APP: variants seen among roughly 807,000 people sequenced by gnomAD.
APP encodes the protein amyloid beta precursor protein, also known as amyloid-beta precursor protein.
A neutral mutation model predicts 101.4 loss-of-function variants in APP; 31 were observed. The observed-to-expected ratio is 0.31, with a 90% CI of 0.23 to 0.41. APP has a LOEUF of 0.41. Among genes scored for constraint, APP ranks in the 10% least tolerant of loss-of-function variants. The probability of loss-of-function intolerance (pLI) is 1.00; values close to 1 mark genes in which losing one functional copy is unlikely to be tolerated. For missense variants in APP, 839 were observed against 1,003.7 expected (o/e 0.84, Z 2.22); for synonymous variants, 366 against 364.4 (o/e 1.00, Z -0.05).
At chr21:25,889,900 C>A (rs773165888) in intron 17 of APP, among the ~76,000 whole-genome samples, 10 of 151,846 alleles carry the variant, frequency 6.6e-5, no homozygotes, top group African/African-American at 1.2e-4. Context: ...ATGAAAAAAA[C>A]CAAAACAACA....
chr21:26,033,466 TATCTTTA>T (rs1282061021), intron 5 of APP, among the ~76,000 whole-genome samples: 1 of 152,242 alleles, frequency 6.6e-6, no homozygotes, highest in Non-Finnish European at 1.5e-5. Flanking sequence ...GTCTTGGTTA[TATCTTTA>T]TAGCAGTGTG....
intron 17 of APP, among the ~76,000 whole-genome samples, chr21:25,891,150 T>C (rs1017753535): frequency 6.6e-6 from 1 of 152,292 alleles, no homozygotes; most frequent in African/African-American, 2.4e-5. Context: ...TGCAGGGTAA[T>C]AGGTTGCAGA....
chr21:26,095,822 C>T (rs2061928921), intron 2 of APP, among the ~76,000 whole-genome samples: 1 of 152,208 alleles, frequency 6.6e-6, no homozygotes, highest in South Asian at 2.1e-4. Context: ...ACAAGCATTG[C>T]AAATAATTTG....
At chr21:26,168,688 G>T (rs2063670509) in intron 1 of APP, among the ~76,000 whole-genome samples, 1 of 152,104 alleles carries the variant, frequency 6.6e-6, no homozygotes, top group African/African-American at 2.4e-5. Context: ...AAGACCATTC[G>T]GGAAAACTGG....
At chr21:26,100,139 C>A (rs1220075436) in intron 2 of APP, among the ~76,000 whole-genome samples, 1 of 152,202 alleles carries the variant, frequency 6.6e-6, no homozygotes, top group Non-Finnish European at 1.5e-5. Context: ...GATGTGTACA[C>A]ATAGCCTAGA....
intron 6 of APP, among the ~76,000 whole-genome samples, chr21:26,014,579 G>C (rs943637877): frequency 4.6e-5 from 7 of 152,174 alleles, no homozygotes; most frequent in Non-Finnish European, 8.8e-5. Flanking sequence ...TTCCTAGGCA[G>C]GCCTGAGAGA....
intron 17 of APP, among the ~76,000 whole-genome samples, chr21:25,887,770 G>C (rs116725814): frequency 6.6e-6 from 1 of 152,204 alleles, no homozygotes; most frequent in East Asian, 1.9e-4. Context: ...CACAGGTGTG[G>C]AGCCTAGGAG....
intron 7 of APP, among the ~76,000 whole-genome samples, chr21:25,999,289 C>T (rs1353586129): frequency 1.3e-5 from 2 of 152,060 alleles, no homozygotes; most frequent in African/African-American, 4.8e-5. Flanking sequence ...GAGACCCTGT[C>T]TTTAAAAAAA....
At chr21:25,915,441 C>CAA (rs1195676194) in intron 13 of APP, among the ~76,000 whole-genome samples, 2 of 152,210 alleles carry the variant, frequency 1.3e-5, no homozygotes, top group Non-Finnish European at 2.9e-5. Context: ...TGCTGAAATC[C>CAA]AAGTCCTGGG....
rs141650054 is a variant in APP at position 25,882,394 on chromosome 21, G to A, written c.2212-623C>T. ...ACAAGAAAAAAGGAAGAGCAAGGAC[G>A]ACGCCATTCTAGATGATGTAATTTT... On this transcript the variant is annotated intron_variant, in intron 17 of 17. Coordinates refer to ENST00000346798, the MANE Select transcript of APP (RefSeq NM_000484.4). Among the ~76,000 whole-genome samples the A allele has an allele frequency of 2.5e-4, 37 of 148,206 alleles. No homozygotes were observed. The Middle Eastern group carries it at 0.01, about 41-fold the overall frequency.
chr21:26,011,643 G>A (rs1478369876), intron 6 of APP, among the ~76,000 whole-genome samples: 8 of 152,064 alleles, frequency 5.3e-5, no homozygotes, highest in Admixed American at 5.2e-4. Context: ...GCAAACACCA[G>A]AAGGATTCGT....
rs1476363021 is a variant in APP at position 25,955,678 on chromosome 21, G to T, written c.1536C>A (p.Phe512Leu). The T allele has an allele frequency of 1.2e-6, 2 of 1,614,138 alleles. No individual in the cohort carries two copies. Among genetic ancestry groups the T allele is most frequent in the East Asian group, 4.5e-5 (2 of 44,884 alleles). Residue 512 changes from phenylalanine (F) to leucine (L), a missense_variant, in exon 12 of 18, where the codon TTC (phenylalanine) becomes TTA (leucine). Phe to Leu is a conservative substitution (Grantham distance 22). Transcript: ENST00000346798. Reference sequence around the variant, plus strand: ...TGGGATCCACCATGCGCACATGCTCGAAATGCTTTAGGGTGTGCTGTCTGT... The same window carrying T: ...TGGGATCCACCATGCGCACATGCTCTAAATGCTTTAGGGTGTGCTGTCTGT... ...QKDRQHTLKH[F>L]EHVRMVDPKK... is the part of the protein sequence containing the mutation.
At chr21:26,084,224 TC>T (rs2061654817) in intron 3 of APP, among the ~76,000 whole-genome samples, 1 of 126,654 alleles carries the variant, frequency 7.9e-6, no homozygotes, top group Non-Finnish European at 1.6e-5. Flanking sequence ...CTAGAAGGGC[TC>T]CATTTTTTTT....
chr21:25,962,497 C>A (rs1487164862), intron 11 of APP, among the ~76,000 whole-genome samples: 1 of 152,058 alleles, frequency 6.6e-6, no homozygotes, highest in Non-Finnish European at 1.5e-5. Context: ...GCAGAATATC[C>A]TTCATAGTCT....
chr21:25,923,344 C>A (rs2039716414), intron 13 of APP, among the ~76,000 whole-genome samples: 1 of 148,582 alleles, frequency 6.7e-6, no homozygotes, highest in South Asian at 2.1e-4. Context: ...TCCAAAACAC[C>A]AAAAGCAATG....
intron 6 of APP, among the ~76,000 whole-genome samples, chr21:26,010,486 A>T (rs2027700): frequency 0.61 from 93,171 of 151,946 alleles, 30,288 homozygotes; most frequent in Non-Finnish European, 0.74. Context: ...ACAATGTGCA[A>T]AGCAGTGATA....
chr21:26,027,836 A>G (rs12626726), intron 5 of APP, among the ~76,000 whole-genome samples: 15,649 of 152,118 alleles, frequency 0.1, 1,254 homozygotes, highest in East Asian at 0.29. Flanking sequence ...GCATAAGCCC[A>G]CCTGGGGCCC....
intron 11 of APP, among the ~76,000 whole-genome samples, chr21:25,973,072 A>C (rs962247007): frequency 3.3e-5 from 5 of 152,204 alleles, no homozygotes; most frequent in African/African-American, 9.6e-5. Context: ...ATAAACCCAC[A>C]AAGGAGATAA....
chr21:25,900,252 G>A (rs1167604278), intron 15 of APP, among the ~76,000 whole-genome samples: 1 of 152,072 alleles, frequency 6.6e-6, no homozygotes, highest in Non-Finnish European at 1.5e-5. Flanking sequence ...CTGGCAACGT[G>A]CCAAGCACGG....
Sources: allele counts gnomAD v4.1 joint callset (sites outside exome capture counted in the v4.1 genomes callset), GRCh38; gene constraint gnomAD v4.1.1; transcripts MANE v1.5; gene names NCBI Gene and HGNC (gene_info 2026-07-23, HGNC 2026-07-21).